The following HCFC1 variants were observed in gnomAD, a reference collection of about 807,000 sequenced individuals.
The protein encoded by HCFC1 is host cell factor 1.
A neutral mutation model predicts 105.5 loss-of-function variants in HCFC1; 7 were observed. The observed-to-expected ratio is 0.07, with a 90% confidence interval of 0.04 to 0.12. The LOEUF is 0.12. Among genes scored for constraint, HCFC1 ranks in the 10% least tolerant of loss-of-function variants. The pLI is 1.00. For missense variants in HCFC1, 1,065 were observed against 1,823.6 expected (o/e 0.58, Z 7.58); for synonymous variants, 918 against 828.1 (o/e 1.11, Z -1.86).
chrX:153,971,342 G>A lies in HCFC1; in HGVS notation c.-502C>T, dbSNP rs1020594425. 1 of 298,238 alleles carries A rather than the reference G, an allele frequency of 3.4e-6. No homozygotes were observed. Among genetic ancestry groups the A allele is most frequent in the Non-Finnish European group, 5.9e-6 (1 of 170,704 alleles). The allele number at this position is 298,238 out of a possible 1,213,427, so 24.6% of individuals were successfully genotyped here. A position where few individuals can be genotyped will look rare whatever the true frequency, so the allele number is the denominator to read the frequency against. ...GTCGTCGCAGCCCCGCCGGCGCTCA[G>A]ACCACAATTGTGGGAGCCGCCATCT... On this transcript the variant is annotated 5_prime_UTR_variant, in exon 1 of 26. Coordinates refer to ENST00000310441, the MANE Select transcript of HCFC1 (RefSeq NM_005334.3).
chrX:153,958,266 C>T lies in HCFC1; in HGVS notation c.1804-17G>A, dbSNP rs782729916. 4.3e-6 allele frequency: 5 copies of T among 1,163,582 alleles called. No homozygotes were observed. Among genetic ancestry groups the T allele is most frequent in the Admixed American group, 2.2e-5 (1 of 45,620 alleles). On this transcript the variant is annotated splice_polypyrimidine_tract_variant and intron_variant, in intron 10 of 25. Transcript: ENST00000310441. ...GTTGCTCACCTGGAGGAGGCAGAGA[C>T]GAGTGACAGGCCAGGCAAAGAAAGC...
Position 153,955,097 on chromosome X carries a change from T to C in HCFC1, c.3302A>G (p.Gln1101Arg). ...GCAGGGTGGGTTTGAGCAGCCATGCTGCCCGGCCATGTTGGAGGTGGCGGT... is the reference window on the plus strand; with the variant it reads ...GCAGGGTGGGTTTGAGCAGCCATGCCGCCCGGCCATGTTGGAGGTGGCGGT... Reference protein sequence around the residue: ...ATTATSNMAGQHGCSNPPCET... With the variant: ...ATTATSNMAGRHGCSNPPCET... Residue 1101 changes from glutamine to arginine, a missense_variant, in exon 17 of 26, where the codon CAG becomes CGG. Transcript: ENST00000310441. 8.3e-7 allele frequency: 1 copy of C among 1,206,012 alleles called. No homozygotes were observed. Among genetic ancestry groups the C allele is most frequent in the East Asian group, 3.0e-5 (1 of 33,550 alleles).
At position 153,957,519 on chromosome X, in the gene HCFC1, C is replaced by T. The variant is rs1557115447; in HGVS notation, c.2148G>A (p.Leu716=). 4 of 1,202,297 alleles carry T rather than the reference C, an allele frequency of 3.3e-6. No homozygotes were observed. In the East Asian group the frequency reaches 8.9e-5, roughly 27 times the overall value. Residue 716 remains leucine, a synonymous_variant, in exon 13 of 26, where the codon CTG becomes CTA. Coordinates refer to ENST00000310441, the MANE Select transcript of HCFC1 (RefSeq NM_005334.3). ...VTQIIQTKGP[L]PAGTILKLVT... is the part of the protein sequence containing the mutation. ...CCAGCTTCAGGATTGTTCCCGCTGG[C>T]AGGGGCCCTTTGGTCTGAAAGGGGG...
rs782761609 is a variant in HCFC1, at chrX:153,958,007, G to A, written c.2028+18C>T. The A allele has an allele frequency of 5.5e-5, 66 of 1,194,937 alleles. No individual in the cohort carries two copies. The highest frequency in any genetic ancestry group is 4.6e-4 in the Middle Eastern group (2 of 4,308). On this transcript the variant is annotated intron_variant, in intron 11 of 25. Transcript: ENST00000310441. ...CACCACTGGCAGTGGCCGTAGCCTG[G>A]CAGCACCCATCACTCACCAGAGCAC...
rs2065458727 is a variant in HCFC1 at position 153,964,642 on chromosome X, C to T, written c.278G>A (p.Arg93His). The T allele has an allele frequency of 8.3e-7, 1 of 1,205,895 alleles. No homozygotes were observed. The highest frequency in any genetic ancestry group is 1.1e-6 in the Non-Finnish European group (1 of 892,408). Residue 93 changes from arginine (R) to histidine (H), a missense_variant, in exon 2 of 26, where the codon CGC (arginine) becomes CAC (histidine). Transcript: ENST00000310441. ...AAYGFVCDGT[R>H]LLVFGGMVEY... ...CACCATCCCACCAAACACCAGGAGG[C>T]GAGTCCCGTCACACACGAAGCCATA...
rs2065536452 is a variant in HCFC1 at position 153,971,644 on chromosome X, C to T, written c.-804G>A. 3.4e-6 allele frequency: 1 copy of T among 296,611 alleles called. No individual in the cohort carries two copies. The highest frequency in any genetic ancestry group is 2.0e-4 in the South Asian group (1 of 4,959). The allele number at this position is 296,611 out of a possible 1,213,427, so 24.4% of individuals were successfully genotyped here. A position where few individuals can be genotyped will look rare whatever the true frequency, so the allele number is the denominator to read the frequency against. ...TTCTCTTCCTCCTAGGTCAGTTCTT[C>T]CACTGCACACCAAACTCAAGGCGGT... On this transcript the variant is annotated 5_prime_UTR_variant, in exon 1 of 26. Transcript: ENST00000310441.
chrX:153,953,580 G>A (rs1557113268), intron 18 of HCFC1, 27 bp downstream of exon 18: 1 of 1,197,321 alleles, frequency 8.4e-7, no homozygotes, highest in East Asian at 3.0e-5. Flanking sequence ...GGAAGGCGGG[G>A]AAGAACACGG....
At chrX:153,952,403 C>T (rs2065322159) in intron 19 of HCFC1, 111 bp downstream of exon 19, 1 of 927,725 alleles carries the variant, frequency 1.1e-6, no homozygotes, top group Non-Finnish European at 1.4e-6. Flanking sequence ...CTCCCCATCA[C>T]ATCTGGCTCA....
rs372689079 is a variant in HCFC1 at position 153,956,743 on chromosome X, C to T, written c.2517G>A (p.Pro839=). The T allele has an allele frequency of 1.8e-5, 22 of 1,209,470 alleles. No homozygotes were observed. The highest frequency in any genetic ancestry group is 1.2e-4 in the East Asian group (4 of 33,760). Residue 839 remains proline (P), a synonymous_variant, in exon 15 of 26, where the codon CCG becomes CCA. Coordinates refer to ENST00000310441, the MANE Select transcript of HCFC1 (RefSeq NM_005334.3). The part of the protein sequence containing the change: ...GVTQVVLKGA[P]GQPGTILRTV... ...TGCGGAGGATGGTGCCTGGCTGTCC[C>T]GGGGCCCCCTTAAGCACCACCTGGA...
Position 153,957,321 on chromosome X carries a change from G to C in HCFC1, c.2346C>G (p.Gly782=). Residue 782 remains glycine (G), a synonymous_variant, in exon 13 of 26, where the codon GGC becomes GGG. Coordinates refer to ENST00000310441, the MANE Select transcript of HCFC1 (RefSeq NM_005334.3). ...IPMSAIITQA[G]ATGVTSSPGI... is the part of the protein sequence containing the mutation. ...GTCGGGGGAGGCCCCTACCCGTGGC[G>C]CCCGCCTGGGTGATGATGGCCGACA... 8.4e-7 allele frequency: 1 copy of C among 1,193,743 alleles called. No homozygotes were observed. The highest frequency in any genetic ancestry group is 1.1e-6 in the Non-Finnish European group (1 of 883,615).
rs923295564 is a variant in HCFC1, at chrX:153,952,650, G to A, written c.4806C>T (p.Leu1602=). 27 of 1,210,687 alleles carry A rather than the reference G, an allele frequency of 2.2e-5. No homozygotes were observed. Among genetic ancestry groups the A allele is most frequent in the Non-Finnish European group, 2.9e-5 (26 of 895,158 alleles). Reference sequence around the variant, plus strand: ...CCTCGGGGGTGAGCCCCGTTACCATGAGGGTGGTGGTGCCAGCTTGGGCCT... The same window carrying A: ...CCTCGGGGGTGAGCCCCGTTACCATAAGGGTGGTGGTGCCAGCTTGGGCCT... ...MAEAQAGTTT[L]MVTGLTPEEL... is the part of the protein sequence containing the mutation. The change falls in exon 19 of 26, where the codon CTC becomes CTT. Residue 1602 remains leucine (L), a synonymous_variant. Coordinates refer to ENST00000310441, the MANE Select transcript of HCFC1 (RefSeq NM_005334.3).
intron 3 of HCFC1, 50 bp from the exon 4 acceptor site, chrX:153,963,483 G>A: frequency 4.3e-6 from 4 of 935,386 alleles, no homozygotes; most frequent in Middle Eastern, 2.8e-4. Context: ...CACGCCAGAG[G>A]CTTCGCTGGA....
chrX:153,951,347 T>C lies in HCFC1; in HGVS notation c.5517+3A>G. The C allele has an allele frequency of 8.3e-7, 1 of 1,211,011 alleles. No homozygotes were observed. On this transcript the variant is annotated splice_donor_region_variant and intron_variant, in intron 22 of 25. Coordinates refer to ENST00000310441, the MANE Select transcript of HCFC1 (RefSeq NM_005334.3). The stretch of plus-strand genomic sequence containing the variant: ...GAGGACATCAGCACCTGGGGACACT[T>C]ACGTCTGATGGGACAGCATCATCTG...
At chrX:153,959,637 G>T in intron 8 of HCFC1, 146 bp from the exon 9 acceptor site, 1 of 934,120 alleles carries the variant, frequency 1.1e-6, no homozygotes, top group Non-Finnish European at 1.5e-6. Flanking sequence ...CATTTCCACA[G>T]GTGGGGCCAG....
chrX:153,970,598 G>A (rs1422742506), intron 1 of HCFC1, 50 bp downstream of exon 1: 12 of 914,933 alleles, frequency 1.3e-5, no homozygotes, highest in Non-Finnish European at 1.7e-5. Context: ...GGGAGAGGGA[G>A]GAGATGGAGG....
At chrX:153,961,180 G>A (rs1375711994) in intron 6 of HCFC1, among the ~76,000 whole-genome samples, 1 of 112,482 alleles carries the variant, frequency 8.9e-6, no homozygotes, top group African/African-American at 3.2e-5. Context: ...GCCACTGTTT[G>A]TTTTTAAAGG....
chrX:153,969,361 C>T (rs1490600392), intron 1 of HCFC1: 2 of 110,729 alleles, frequency 1.8e-5, no homozygotes, highest in Non-Finnish European at 3.8e-5. Context: ...AGAACGGCCG[C>T]GGAGCAAGGG....
intron 1 of HCFC1, among the ~76,000 whole-genome samples, chrX:153,966,584 T>A (rs965338554): frequency 1.8e-5 from 2 of 112,024 alleles, no homozygotes; most frequent in African/African-American, 6.5e-5. Context: ...TGGAGGGAGC[T>A]CCATGCAAGC....
At chrX:153,965,144 G>A (rs1257548747) in intron 1 of HCFC1, among the ~76,000 whole-genome samples, 1 of 111,194 alleles carries the variant, frequency 9.0e-6, no homozygotes, top group Non-Finnish European at 1.9e-5. Context: ...AGAGCCCAGA[G>A]CAGCACTTTC....
Sources: allele counts gnomAD v4.1 joint callset (sites outside exome capture counted in the v4.1 genomes callset), GRCh38; gene constraint gnomAD v4.1.1; transcripts MANE v1.5; gene names NCBI Gene and HGNC (gene_info 2026-07-23, HGNC 2026-07-21).